The following FAM117B variants were observed in gnomAD, a reference collection of about 807,000 sequenced individuals.
The protein encoded by FAM117B is family with sequence similarity 117 member B.
In FAM117B, 22 loss-of-function variants were observed where a neutral mutation model predicts 52.8. That is an observed-to-expected ratio of 0.42 (90% CI 0.30 to 0.59). FAM117B has a LOEUF of 0.59. Ranked by LOEUF, FAM117B falls within the 20% of genes least tolerant of loss-of-function variation. The pLI is 0.22. For synonymous variants in FAM117B, 309 were observed against 324.1 expected (o/e 0.95, Z 0.50); for missense variants, 678 against 802.6 (o/e 0.84, Z 1.88).
At chr2:202,743,253 C>T (rs184545392) in intron 4 of FAM117B, among the ~76,000 whole-genome samples, 10 of 152,292 alleles carry the variant, frequency 6.6e-5, no homozygotes, top group African/African-American at 2.2e-4. Context: ...ACAACTCCAG[C>T]TTAAGCTGCT....
At chr2:202,687,200 A>C (rs554390056) in intron 1 of FAM117B, among the ~76,000 whole-genome samples, 1 of 152,248 alleles carries the variant, frequency 6.6e-6, no homozygotes, top group Admixed American at 6.5e-5. Flanking sequence ...ACAAAACAGT[A>C]TTATGTGATT....
chr2:202,729,321 GAGAC>G (rs1346552836), intron 4 of FAM117B, among the ~76,000 whole-genome samples: 3 of 149,918 alleles, frequency 2.0e-5, no homozygotes, highest in Admixed American at 2.0e-4. Context: ...GTGACAGAGT[GAGAC>G]TCCATCTCAA....
chr2:202,752,955 T>C (rs981438734), intron 4 of FAM117B, among the ~76,000 whole-genome samples: 1 of 152,228 alleles, frequency 6.6e-6, no homozygotes, highest in East Asian at 1.9e-4. Context: ...AAGTAATTTA[T>C]AGATTCAATG....
chr2:202,666,946 G>T (rs911108934), intron 1 of FAM117B, among the ~76,000 whole-genome samples: 6 of 150,254 alleles, frequency 4.0e-5, no homozygotes, highest in Non-Finnish European at 8.9e-5. Flanking sequence ...CGCCCGGCCA[G>T]TATGTTTCAT....
intron 4 of FAM117B, among the ~76,000 whole-genome samples, chr2:202,746,621 C>CA (rs752639297): frequency 2.0e-5 from 3 of 151,926 alleles, no homozygotes; most frequent in Non-Finnish European, 4.4e-5. Flanking sequence ...AACAACTATA[C>CA]ACTAACAAAT....
At chr2:202,642,468 A>C (rs1010679221) in intron 1 of FAM117B, among the ~76,000 whole-genome samples, 2 of 151,930 alleles carry the variant, frequency 1.3e-5, no homozygotes, top group Admixed American at 6.6e-5. Context: ...AAAAAGATTG[A>C]AAAGACTGAT....
intron 1 of FAM117B, among the ~76,000 whole-genome samples, chr2:202,674,530 A>G (rs1054846517): frequency 6.6e-6 from 1 of 152,242 alleles, no homozygotes; most frequent in Non-Finnish European, 1.5e-5. Flanking sequence ...CAATATGGAC[A>G]TAGCACAGAG....
chr2:202,741,005 G>T (rs1280796280), intron 4 of FAM117B, among the ~76,000 whole-genome samples: 1 of 152,134 alleles, frequency 6.6e-6, no homozygotes, highest in Non-Finnish European at 1.5e-5. Flanking sequence ...GGGGAAACAT[G>T]AGAGATACTT....
At chr2:202,738,593 TA>T (rs1299118638) in intron 4 of FAM117B, among the ~76,000 whole-genome samples, 1 of 152,186 alleles carries the variant, frequency 6.6e-6, no homozygotes, top group Non-Finnish European at 1.5e-5. Context: ...TTTCAAAAGA[TA>T]AAAATTAAGA....
chr2:202,755,781 TGA>T (rs1254926368), intron 5 of FAM117B, 100 bp downstream of exon 5: 1 of 1,199,522 alleles, frequency 8.3e-7, no homozygotes, highest in South Asian at 2.0e-5. Flanking sequence ...TCCTTCTCAT[TGA>T]GAGAGCAAAA....
Position 202,769,180 on chromosome 2 carries a change from C to T in FAM117B, c.*3416C>T, listed in dbSNP as rs1242329832. ...TGGAATATTTGACGACATGAAAGTC[C>T]TTTTTCTTTGCTTTCAGTGGTTGGC... On this transcript the variant is annotated 3_prime_UTR_variant, in exon 8 of 8. Transcript: ENST00000392238. 6.6e-6 allele frequency: 1 copy of T among 152,066 alleles called. No individual in the cohort carries two copies. Among genetic ancestry groups the T allele is most frequent in the Non-Finnish European group, 1.5e-5 (1 of 68,010 alleles). 9.4% of individuals were successfully genotyped at this position (152,066 alleles called of 1,614,324 possible).
chr2:202,675,634 T>C (rs957774597), intron 1 of FAM117B, among the ~76,000 whole-genome samples: 4 of 152,058 alleles, frequency 2.6e-5, no homozygotes, highest in Non-Finnish European at 4.4e-5. Flanking sequence ...GTTCATGCCC[T>C]GTGTAATACC....
At chr2:202,732,825 A>C (rs1050473431) in intron 4 of FAM117B, among the ~76,000 whole-genome samples, 1 of 127,420 alleles carries the variant, frequency 7.8e-6, no homozygotes, top group African/African-American at 3.5e-5. Context: ...CATCTCAATA[A>C]GTAAATAAAT....
intron 2 of FAM117B, 24 bp downstream of exon 2, chr2:202,696,056 C>A (rs755014021): frequency 1.9e-6 from 3 of 1,605,582 alleles, no homozygotes. Flanking sequence ...AGTTCTTATC[C>A]TGAAGTGTTT....
chr2:202,715,416 G>A (rs1691035675), intron 2 of FAM117B, among the ~76,000 whole-genome samples: 1 of 151,304 alleles, frequency 6.6e-6, no homozygotes, highest in Admixed American at 6.6e-5. Flanking sequence ...GGGGCGGCCG[G>A]GCAGAGACGC....
rs374034774 is a variant in FAM117B, at chr2:202,757,247, C to A, written c.1139C>A (p.Pro380His). 6.2e-7 allele frequency: 1 copy of A among 1,613,920 alleles called. No individual in the cohort carries two copies. The highest frequency in any genetic ancestry group is 1.3e-5 in the African/African-American group (1 of 74,876). The change falls in exon 6 of 8, where the codon CCC becomes CAC. Residue 380 changes from proline (P) to histidine (H), a missense_variant. Transcript: ENST00000392238. ...QDIPDGHRAP[P>H]PLVQRSSSTR... ...ATTCCAGATGGCCATCGTGCTCCAC[C>A]CCCCCTTGTACAGAGAAGTAGCAGC...
At chr2:202,693,793 G>A (rs1009035001) in intron 1 of FAM117B, among the ~76,000 whole-genome samples, 2 of 152,178 alleles carry the variant, frequency 1.3e-5, no homozygotes, top group East Asian at 3.9e-4. Context: ...TGACTCTGCC[G>A]TAATGTGTCC....
At chr2:202,658,102 G>C (rs1690078939) in intron 1 of FAM117B, among the ~76,000 whole-genome samples, 1 of 152,082 alleles carries the variant, frequency 6.6e-6, no homozygotes. Context: ...GCTTTCAACA[G>C]TCATACCTAT....
chr2:202,644,053 G>GTT (rs1219743876), intron 1 of FAM117B, among the ~76,000 whole-genome samples: 847 of 59,730 alleles, frequency 0.014, 70 homozygotes, highest in South Asian at 0.04. Context: ...TTTAGGAGCT[G>GTT]TTTTTTTTTT....
Sources: allele counts gnomAD v4.1 joint callset (sites outside exome capture counted in the v4.1 genomes callset), GRCh38; gene constraint gnomAD v4.1.1; transcripts MANE v1.5; gene names NCBI Gene and HGNC (gene_info 2026-07-23, HGNC 2026-07-21).